TSHR: variants seen among roughly 807,000 people sequenced by gnomAD.
The protein encoded by TSHR is thyroid stimulating hormone receptor, also known as thyrotropin receptor.
A neutral mutation model predicts 64.1 loss-of-function variants in TSHR; 51 were observed. The ratio of observed to expected loss-of-function variants is 0.80; its 90% CI spans 0.64 to 1.01. The LOEUF is 1.01. TSHR is among the 50% of genes least tolerant of loss of function. The pLI is 0.00. For synonymous variants in TSHR, 361 were observed against 361.9 expected (o/e 1.00, Z 0.03); for missense variants, 877 against 942.8 (o/e 0.93, Z 0.91).
chr14:80,989,985 G>A (rs1888646202), intron 1 of TSHR, among the ~76,000 whole-genome samples: 1 of 152,178 alleles, frequency 6.6e-6, no homozygotes, highest in Non-Finnish European at 1.5e-5. Context: ...GACCATTAGT[G>A]CCAAAAGTCA....
At chr14:81,069,492 A>G (rs1249091304) in intron 3 of TSHR, among the ~76,000 whole-genome samples, 3 of 152,220 alleles carry the variant, frequency 2.0e-5, no homozygotes, top group Admixed American at 6.5e-5. Flanking sequence ...TAAGAACTCA[A>G]TGGGCAATAA....
intron 1 of TSHR, among the ~76,000 whole-genome samples, chr14:81,054,633 A>G (rs1307346609): frequency 6.6e-6 from 1 of 152,172 alleles, no homozygotes; most frequent in Non-Finnish European, 1.5e-5. Context: ...AACTGGAGCA[A>G]AGGTGACTCT....
chr14:81,088,872 G>T (rs985170936), intron 4 of TSHR, among the ~76,000 whole-genome samples: 4 of 152,018 alleles, frequency 2.6e-5, no homozygotes, highest in Non-Finnish European at 4.4e-5. Context: ...ATGAATAGAG[G>T]GTATCTTGAA....
chr14:81,043,647 A>C (rs1314954513), intron 1 of TSHR, among the ~76,000 whole-genome samples: 1 of 152,206 alleles, frequency 6.6e-6, no homozygotes, highest in East Asian at 1.9e-4. Flanking sequence ...AGCAAAAAGA[A>C]CAAAGCTGGA....
chr14:80,997,429 A>G (rs928501468), intron 1 of TSHR, among the ~76,000 whole-genome samples: 2 of 152,206 alleles, frequency 1.3e-5, no homozygotes, highest in African/African-American at 4.8e-5. Flanking sequence ...TAAAGCTTAC[A>G]AAATGTAAAG....
rs1332802032 is a variant in TSHR, at chr14:81,033,082, C to CTCATA, written c.171-29064_171-29060dup. On this transcript the variant is annotated intron_variant, in intron 1 of 9. Coordinates refer to ENST00000298171, the MANE Select transcript of TSHR (RefSeq NM_000369.5). Reference sequence around the variant, plus strand: ...CACCCAAATCATGGCAGACTATGGGCTCATATGCATTACTCAAGCTGGAAA... The same window carrying CTCATA: ...CACCCAAATCATGGCAGACTATGGGCTCATATCATATGCATTACTCAAGCTGGAAA... The CTCATA allele has an allele frequency of 2.5e-5, 9 of 363,562 alleles. No homozygotes were observed. In the East Asian group the frequency reaches 5.9e-4, roughly 24 times the overall value. The allele number at this position is 363,562 out of a possible 1,614,324, so 22.5% of individuals were successfully genotyped here. A position where few individuals can be genotyped will look rare whatever the true frequency, so the allele number is the denominator to read the frequency against.
chr14:81,135,400 C>G (rs1366891274), intron 8 of TSHR, among the ~76,000 whole-genome samples: 1 of 152,162 alleles, frequency 6.6e-6, no homozygotes, highest in Non-Finnish European at 1.5e-5. Flanking sequence ...TTCCTAATGT[C>G]CTTTAGAAAA....
At chr14:80,967,192 A>C (rs905192593) in intron 1 of TSHR, among the ~76,000 whole-genome samples, 2 of 147,530 alleles carry the variant, frequency 1.4e-5, no homozygotes, top group Admixed American at 1.4e-4. Flanking sequence ...ATGTGTATAT[A>C]TATATATATA....
chr14:81,081,133 G>T (rs1003163660), intron 3 of TSHR, among the ~76,000 whole-genome samples: 10 of 152,122 alleles, frequency 6.6e-5, no homozygotes, highest in Non-Finnish European at 8.8e-5. Flanking sequence ...CTATGACCCT[G>T]CCTGTGAATA....
chr14:81,052,943 GGGGAGAGGGAGA>G (rs1284945540), intron 1 of TSHR: 1 of 151,978 alleles, frequency 6.6e-6, no homozygotes. Flanking sequence ...GGCTGAGGGA[GGGGAGAGGGAGA>G]GGGAGAGAGA....
At chr14:81,098,281 G>A (rs565128511) in intron 7 of TSHR, among the ~76,000 whole-genome samples, 3 of 152,210 alleles carry the variant, frequency 2.0e-5, no homozygotes, top group African/African-American at 7.2e-5. Context: ...CCTAAATATC[G>A]AATAACATTG....
intron 1 of TSHR, chr14:81,013,881 C>T (rs948122553): frequency 8.6e-5 from 13 of 152,000 alleles, no homozygotes; most frequent in African/African-American, 2.7e-4. Context: ...TCCTAGTCCT[C>T]GATGAAAGGA....
At chr14:81,074,373 T>A (rs1887335355) in intron 3 of TSHR, among the ~76,000 whole-genome samples, 1 of 152,212 alleles carries the variant, frequency 6.6e-6, no homozygotes, top group African/African-American at 2.4e-5. Context: ...ACATTTGTTT[T>A]ATAATCATTT....
intron 1 of TSHR, among the ~76,000 whole-genome samples, chr14:81,043,321 T>G (rs1015771008): frequency 1.3e-5 from 2 of 152,082 alleles, no homozygotes; most frequent in African/African-American, 2.4e-5. Context: ...AAATCACGAA[T>G]GAACTCCCAT....
chr14:80,969,199 T>A (rs902337231), intron 1 of TSHR, among the ~76,000 whole-genome samples: 3 of 152,236 alleles, frequency 2.0e-5, no homozygotes, highest in African/African-American at 4.8e-5. Context: ...GAGTCTTTAA[T>A]TCATTCCACC....
intron 1 of TSHR, among the ~76,000 whole-genome samples, chr14:80,985,110 T>C (rs10140745): frequency 0.057 from 8,606 of 151,660 alleles, 764 homozygotes; most frequent in African/African-American, 0.2. Context: ...ATTAGCCGGG[T>C]GTGGTGGCGG....
intron 1 of TSHR, among the ~76,000 whole-genome samples, chr14:81,000,452 C>A (rs1255857147): frequency 6.6e-6 from 1 of 152,132 alleles, no homozygotes; most frequent in African/African-American, 2.4e-5. Context: ...ATCCCCGGCC[C>A]CACATCTGCT....
At chr14:80,973,427 A>AAAAAAAAAAAAAAAAAAAAAAAAAAC in intron 1 of TSHR, among the ~76,000 whole-genome samples, 1 of 144,512 alleles carries the variant, frequency 6.9e-6, no homozygotes, top group South Asian at 2.3e-4. Context: ...AAAAAAAAAA[A>AAAAAAAAAAAAAAAAAAAAAAAAAAC]AATCTGTGTA....
intron 7 of TSHR, chr14:81,102,675 G>A: frequency 1.9e-6 from 1 of 524,908 alleles, no homozygotes; most frequent in African/African-American, 2.1e-5. Context: ...ATAAACAAAT[G>A]AGCATGGTTA....
Sources: allele counts gnomAD v4.1 joint callset (sites outside exome capture counted in the v4.1 genomes callset), GRCh38; gene constraint gnomAD v4.1.1; transcripts MANE v1.5; gene names NCBI Gene and HGNC (gene_info 2026-07-23, HGNC 2026-07-21).